Variants in TBC1D5 observed in about 807,000 individuals in gnomAD.
TBC1D5 encodes the protein TBC1 domain family, member 5.
A neutral mutation model predicts 100.3 loss-of-function variants in TBC1D5; 75 were observed. That is an observed-to-expected ratio of 0.75 (90% CI 0.62 to 0.91). TBC1D5 has a LOEUF of 0.91. Among genes scored for constraint, TBC1D5 ranks in the 40% least tolerant of loss-of-function variants. The probability of loss-of-function intolerance (pLI) is 0.00; values close to 1 mark genes in which losing one functional copy is unlikely to be tolerated. For missense variants in TBC1D5, 910 were observed against 942.4 expected, an observed-to-expected ratio of 0.97 and a Z score of 0.45; for synonymous variants, 323 against 325.6, an observed-to-expected ratio of 0.99 and a Z score of 0.09.
chr3:17,726,532 T>C (rs929470076), intron 1 of TBC1D5, among the ~76,000 whole-genome samples: 7 of 152,256 alleles, frequency 4.6e-5, no homozygotes, highest in Admixed American at 2.6e-4. Flanking sequence ...TGCCTGTTCA[T>C]GTTCTTTGCT....
chr3:17,536,864 G>A (rs759406334), intron 2 of TBC1D5, among the ~76,000 whole-genome samples: 4 of 152,156 alleles, frequency 2.6e-5, no homozygotes, highest in Non-Finnish European at 5.9e-5. Flanking sequence ...GTCATAGAAA[G>A]AAATGTTTGA....
chr3:17,565,654 G>A (rs999186841), intron 2 of TBC1D5, among the ~76,000 whole-genome samples: 7 of 151,820 alleles, frequency 4.6e-5, no homozygotes, highest in African/African-American at 1.2e-4. Flanking sequence ...ATGATATTTC[G>A]CATGCTTTAA....
intron 2 of TBC1D5, among the ~76,000 whole-genome samples, chr3:17,617,540 C>T (rs1262361036): frequency 3.9e-5 from 6 of 152,168 alleles, no homozygotes; most frequent in African/African-American, 9.7e-5. Flanking sequence ...ACCAATCAAA[C>T]GTAGATTTGG....
At chr3:17,357,074 C>T (rs2091284010) in intron 13 of TBC1D5, among the ~76,000 whole-genome samples, 1 of 152,138 alleles carries the variant, frequency 6.6e-6, no homozygotes, top group African/African-American at 2.4e-5. Context: ...AAAAACTCTT[C>T]CCATGTTTTA....
chr3:17,219,376 G>C (rs1022595155), intron 17 of TBC1D5, among the ~76,000 whole-genome samples: 1 of 151,502 alleles, frequency 6.6e-6, no homozygotes, highest in Non-Finnish European at 1.5e-5. Context: ...ATTTACAGTA[G>C]CTGACTTAAA....
chr3:17,563,038 A>G (rs2096569759), intron 2 of TBC1D5, among the ~76,000 whole-genome samples: 1 of 152,216 alleles, frequency 6.6e-6, no homozygotes, highest in Non-Finnish European at 1.5e-5. Flanking sequence ...TCCTAAACAA[A>G]TCCGTAAGTA....
chr3:17,473,400 T>C (rs565608230), intron 3 of TBC1D5, among the ~76,000 whole-genome samples: 3 of 152,342 alleles, frequency 2.0e-5, no homozygotes, highest in Admixed American at 1.3e-4. Context: ...AGCACATTAA[T>C]GTAAACATGA....
intron 2 of TBC1D5, among the ~76,000 whole-genome samples, chr3:17,620,956 T>A (rs769899476): frequency 6.6e-6 from 1 of 152,200 alleles, no homozygotes; most frequent in Non-Finnish European, 1.5e-5. Flanking sequence ...GAGGGAGAAC[T>A]TCAAACAAAT....
At chr3:17,700,580 T>A (rs2073005112) in intron 1 of TBC1D5, among the ~76,000 whole-genome samples, 1 of 152,138 alleles carries the variant, frequency 6.6e-6, no homozygotes, top group African/African-American at 2.4e-5. Context: ...AATCTACTCA[T>A]CTGACAAAGA....
Position 17,454,513 on chromosome 3 carries a change from G to A in TBC1D5, c.98-25994C>T, listed in dbSNP as rs527446289. On this transcript the variant is annotated intron_variant, in intron 3 of 21. Transcript: ENST00000253692. ...CTCGCTCTGTCACCCAGGCTAGAGT[G>A]CAGTGGTACGATCTCGGCTCACTGC... Among the ~76,000 whole-genome samples the A allele has an allele frequency of 3.3e-5, 5 of 152,200 alleles. No homozygotes were observed. The South Asian group carries it at 1.0e-3, about 32-fold the overall frequency.
chr3:17,535,200 T>C (rs2153400993), intron 2 of TBC1D5, among the ~76,000 whole-genome samples: 1 of 152,302 alleles, frequency 6.6e-6, no homozygotes, highest in East Asian at 1.9e-4. Context: ...TTCAGGGTTG[T>C]ATCAGAAATT....
At chr3:17,312,036 T>C (rs2084086260) in intron 13 of TBC1D5, among the ~76,000 whole-genome samples, 1 of 152,160 alleles carries the variant, frequency 6.6e-6, no homozygotes, top group African/African-American at 2.4e-5. Context: ...TTTATCTCTG[T>C]GCTTGGGTAC....
chr3:17,208,664 G>A (rs1159741903), intron 18 of TBC1D5, among the ~76,000 whole-genome samples: 2 of 152,206 alleles, frequency 1.3e-5, no homozygotes, highest in Non-Finnish European at 2.9e-5. Flanking sequence ...GGTCTATGTA[G>A]AGAGTTAGAC....
chr3:17,689,788 A>G (rs2070851394), intron 1 of TBC1D5, among the ~76,000 whole-genome samples: 1 of 152,168 alleles, frequency 6.6e-6, no homozygotes, highest in Non-Finnish European at 1.5e-5. Flanking sequence ...GGTTGTTCCA[A>G]ATGAGAAATA....
chr3:17,446,314 T>G (rs911088615), intron 3 of TBC1D5, among the ~76,000 whole-genome samples: 1 of 152,166 alleles, frequency 6.6e-6, no homozygotes. Context: ...AGCTTTAAGG[T>G]TGCAATGGTT....
intron 15 of TBC1D5, among the ~76,000 whole-genome samples, chr3:17,289,835 G>A (rs745913301): frequency 2.0e-5 from 3 of 152,094 alleles, no homozygotes; most frequent in East Asian, 1.9e-4. Flanking sequence ...GGTTCCTTAC[G>A]GAACACTACA....
chr3:17,661,638 C>A (rs989833044), intron 1 of TBC1D5, among the ~76,000 whole-genome samples: 2 of 151,812 alleles, frequency 1.3e-5, no homozygotes, highest in African/African-American at 4.8e-5. Context: ...GTAGCAGGGA[C>A]TACAGGCGCC....
chr3:17,278,322 G>A (rs919276821), intron 15 of TBC1D5, among the ~76,000 whole-genome samples: 4 of 152,160 alleles, frequency 2.6e-5, no homozygotes, highest in Non-Finnish European at 5.9e-5. Flanking sequence ...GTATACAGCA[G>A]GGGTCCTTCA....
intron 2 of TBC1D5, among the ~76,000 whole-genome samples, chr3:17,540,994 C>G (rs535210907): frequency 6.7e-6 from 1 of 149,550 alleles, no homozygotes; most frequent in South Asian, 2.1e-4. Context: ...TTTCTGGGCT[C>G]TCTCTTCTGT....
Sources: gnomAD v4.1 joint callset for allele counts (sites outside exome capture counted in the v4.1 genomes callset) on GRCh38, gnomAD v4.1.1 for gene constraint, MANE v1.5 for transcripts, NCBI Gene and HGNC (gene_info 2026-07-23, HGNC 2026-07-21) for gene names.